The following PALM2AKAP2 variants were observed in gnomAD, a reference collection of about 807,000 sequenced individuals.
PALM2AKAP2 encodes PALM2 and AKAP2 fusion.
A neutral mutation model predicts 71.5 loss-of-function variants in PALM2AKAP2; 37 were observed. That is an observed-to-expected ratio of 0.52 (90% CI 0.40 to 0.68). The LOEUF (loss-of-function observed/expected upper bound fraction) is 0.68, where lower values mean the gene tolerates loss of function less well. PALM2AKAP2 is among the 30% of genes least tolerant of loss of function. The pLI, the probability that PALM2AKAP2 is intolerant of heterozygous loss-of-function variation, is 0.00. For missense variants in PALM2AKAP2, 1,224 were observed against 1,191.8 expected, an observed-to-expected ratio of 1.03 and a Z score of -0.40; for synonymous variants, 468 against 478.8, an observed-to-expected ratio of 0.98 and a Z score of 0.29.
chr9:109,864,947 A>G (rs1468796012), intron 1 of PALM2AKAP2, among the ~76,000 whole-genome samples: 1 of 151,962 alleles, frequency 6.6e-6, no homozygotes, highest in African/African-American at 2.4e-5. Context: ...TGAGTCATTG[A>G]TCTCTGTTCC....
intron 3 of PALM2AKAP2, among the ~76,000 whole-genome samples, chr9:109,915,621 TA>T (rs1830668825): frequency 6.6e-6 from 1 of 152,194 alleles, no homozygotes; most frequent in African/African-American, 2.4e-5. Context: ...CAGATTTTTT[TA>T]CTTCATGGGA....
At chr9:110,080,069 C>CAAAAAAA (rs147710381) in intron 1 of PALM2AKAP2, among the ~76,000 whole-genome samples, 2 of 75,546 alleles carry the variant, frequency 2.6e-5, no homozygotes, top group African/African-American at 1.1e-4. Context: ...GACTCTGTCT[C>CAAAAAAA]AAAAAAAAAA....
At chr9:110,134,104 C>T (rs1018385454) in intron 1 of PALM2AKAP2, among the ~76,000 whole-genome samples, 7 of 151,998 alleles carry the variant, frequency 4.6e-5, no homozygotes, top group Non-Finnish European at 8.8e-5. Flanking sequence ...GGCAACATAG[C>T]GAGACTCTAT....
chr9:109,929,670 C>T (rs980649349), intron 5 of PALM2AKAP2, among the ~76,000 whole-genome samples: 2 of 151,948 alleles, frequency 1.3e-5, no homozygotes, highest in Non-Finnish European at 1.5e-5. Flanking sequence ...CGAGACCATC[C>T]TGGCTAACAC....
intron 1 of PALM2AKAP2, among the ~76,000 whole-genome samples, chr9:110,070,566 T>C (rs1284533845): frequency 3.3e-5 from 5 of 152,216 alleles, no homozygotes; most frequent in Non-Finnish European, 5.9e-5. Flanking sequence ...AAAGTATAAG[T>C]TGGTCAATTG....
At chr9:109,923,227 G>A (rs962539595) in intron 3 of PALM2AKAP2, among the ~76,000 whole-genome samples, 13 of 152,154 alleles carry the variant, frequency 8.5e-5, no homozygotes, top group African/African-American at 2.9e-4. Flanking sequence ...CTTTTTGGCA[G>A]TAGAATCCAG....
At chr9:109,685,050 G>C (rs1827789166) in intron 1 of PALM2AKAP2, among the ~76,000 whole-genome samples, 1 of 152,138 alleles carries the variant, frequency 6.6e-6, no homozygotes, top group Admixed American at 6.5e-5. Flanking sequence ...AGATCTCAAA[G>C]ATTACAGTCT....
At position 109,693,788 on chromosome 9, in the gene PALM2AKAP2, T is replaced by C. The variant is rs766751902; in HGVS notation, c.5+52922T>C. ...TTCTAACATTGATTTCTAGTTCAATTCCATTGTGGTAAAATTTCAGTCCTT... is the reference window on the plus strand; with the variant it reads ...TTCTAACATTGATTTCTAGTTCAATCCCATTGTGGTAAAATTTCAGTCCTT... On this transcript the variant is annotated intron_variant, in intron 1 of 6. Coordinates refer to the PALM2AKAP2 transcript ENST00000374531. Among the ~76,000 whole-genome samples the C allele has an allele frequency of 6.0e-4, 92 of 152,206 alleles. 1 individual carries two copies. Among genetic ancestry groups the C allele is most frequent in the Non-Finnish European group, 1.2e-3 (82 of 67,916 alleles).
chr9:109,765,293 G>T (rs1270155421), intron 1 of PALM2AKAP2: 4 of 152,222 alleles, frequency 2.6e-5, no homozygotes, highest in Non-Finnish European at 4.4e-5. Context: ...TATGACCTTA[G>T]GCAGTTCCTT....
At chr9:109,738,021 C>T (rs1219486818) in intron 1 of PALM2AKAP2, among the ~76,000 whole-genome samples, 1 of 152,128 alleles carries the variant, frequency 6.6e-6, no homozygotes, top group Non-Finnish European at 1.5e-5. Flanking sequence ...CACAGACAAT[C>T]ATTATATATT....
At chr9:109,657,437 A>G (rs1827323025) in intron 1 of PALM2AKAP2, among the ~76,000 whole-genome samples, 1 of 132,558 alleles carries the variant, frequency 7.5e-6, no homozygotes, top group South Asian at 2.3e-4. Flanking sequence ...TCTGAGAACA[A>G]AAGCAATATG....
At chr9:109,936,737 T>C (rs915210183) in intron 6 of PALM2AKAP2, among the ~76,000 whole-genome samples, 2 of 152,192 alleles carry the variant, frequency 1.3e-5, no homozygotes, top group Non-Finnish European at 2.9e-5. Context: ...ATAACTTTCA[T>C]TGTACAAATG....
intron 1 of PALM2AKAP2, among the ~76,000 whole-genome samples, chr9:109,642,322 A>G (rs979548548): frequency 2.0e-5 from 3 of 151,784 alleles, no homozygotes; most frequent in African/African-American, 7.3e-5. Flanking sequence ...TGTGAACATT[A>G]AGGAAGTTAA....
intron 1 of PALM2AKAP2, among the ~76,000 whole-genome samples, chr9:109,772,288 T>C (rs1829277551): frequency 6.6e-6 from 1 of 152,162 alleles, no homozygotes; most frequent in African/African-American, 2.4e-5. Flanking sequence ...CACCGTCTTC[T>C]TCCAGGGAAC....
intron 1 of PALM2AKAP2, among the ~76,000 whole-genome samples, chr9:110,051,965 C>T (rs113223568): frequency 0.095 from 14,337 of 151,268 alleles, 691 homozygotes; most frequent in Middle Eastern, 0.2. Context: ...TGCAGTGGCG[C>T]GATCTCGGCT....
chr9:109,749,511 G>A (rs752555206), intron 1 of PALM2AKAP2, among the ~76,000 whole-genome samples: 1 of 148,898 alleles, frequency 6.7e-6, no homozygotes, highest in Non-Finnish European at 1.5e-5. Context: ...TTGGCTATAT[G>A]TGAATTGCCC....
At chr9:109,880,073 G>A (rs1158281383) in intron 2 of PALM2AKAP2, among the ~76,000 whole-genome samples, 1 of 152,154 alleles carries the variant, frequency 6.6e-6, no homozygotes, top group African/African-American at 2.4e-5. Context: ...GGGAGTCATT[G>A]AAGAAGAGTC....
chr9:110,067,609 A>C (rs567484227), intron 1 of PALM2AKAP2, among the ~76,000 whole-genome samples: 1 of 152,344 alleles, frequency 6.6e-6, no homozygotes, highest in South Asian at 2.1e-4. Context: ...TGAACAGAGG[A>C]ATTTCCTCCT....
exon 4 of PALM2AKAP2, chr9:110,172,335 A>C (rs1836878351): frequency 6.6e-6 from 1 of 152,006 alleles, no homozygotes; most frequent in African/African-American, 2.4e-5. Context: ...TTGGGGGAGG[A>C]GGGGAAAAAA....
Sources: gnomAD v4.1 joint callset for allele counts (sites outside exome capture counted in the v4.1 genomes callset) on GRCh38, gnomAD v4.1.1 for gene constraint, MANE v1.5 for transcripts, NCBI Gene and HGNC (gene_info 2026-07-23, HGNC 2026-07-21) for gene names.